CCDC18: variants seen among roughly 807,000 people sequenced by gnomAD.
CCDC18 encodes the protein coiled-coil domain containing 18, also known as coiled-coil domain-containing protein 18.
A neutral mutation model predicts 196.0 loss-of-function variants in CCDC18; 157 were observed. The observed-to-expected ratio is 0.80, with a 90% CI of 0.70 to 0.91. The LOEUF (loss-of-function observed/expected upper bound fraction) is 0.91. CCDC18 is among the 40% of genes least tolerant of loss of function. The pLI is 0.00. For missense variants in CCDC18, 1,465 were observed against 1,611.6 expected, an observed-to-expected ratio of 0.91 and a Z score of 1.56; for synonymous variants, 482 against 529.2, an observed-to-expected ratio of 0.91 and a Z score of 1.22.
chr1:93,251,722 T>C (rs1186518577), intron 23 of CCDC18, among the ~76,000 whole-genome samples: 1 of 152,174 alleles, frequency 6.6e-6, no homozygotes, highest in Non-Finnish European at 1.5e-5. Flanking sequence ...TCTTTGATCT[T>C]TGAGAGTTTC....
At chr1:93,190,649 G>T (rs529939809) in intron 4 of CCDC18, 5 of 328,540 alleles carry the variant, frequency 1.5e-5, no homozygotes, top group Non-Finnish European at 2.8e-5. Context: ...CCCCCAAACA[G>T]TATCAGTATG....
intron 23 of CCDC18, among the ~76,000 whole-genome samples, chr1:93,247,483 T>G (rs1661635581): frequency 6.6e-6 from 1 of 152,104 alleles, no homozygotes; most frequent in Non-Finnish European, 1.5e-5. Context: ...GTCATGATCA[T>G]AGCTCACTGC....
intron 21 of CCDC18, among the ~76,000 whole-genome samples, chr1:93,244,504 G>A (rs1661235809): frequency 6.6e-6 from 1 of 152,200 alleles, no homozygotes; most frequent in Non-Finnish European, 1.5e-5. Context: ...GAAATATTCA[G>A]AATTGGCAAA....
Position 93,248,306 on chromosome 1 carries a change from G to A in CCDC18, c.3198+1352G>A, listed in dbSNP as rs936759123. Among the ~76,000 whole-genome samples, 13 of 152,036 alleles carry A rather than the reference G, an allele frequency of 8.6e-5. 1 individual carries two copies. The East Asian group carries it at 1.7e-3, about 20-fold the overall frequency. ...TGGGATTACAGGCGTGAGCCACTGC[G>A]CCCAGCCTGTTATTTTCCTTCTATA... On this transcript the variant is annotated intron_variant, in intron 23 of 28. Transcript: ENST00000690025.
At chr1:93,278,303 A>G (rs1665743739) in intron 28 of CCDC18, among the ~76,000 whole-genome samples, 160 bp from the exon 29 acceptor site, 1 of 152,074 alleles carries the variant, frequency 6.6e-6, no homozygotes, top group Admixed American at 6.6e-5. Flanking sequence ...TTTTATATTC[A>G]TGTGGTTCAT....
chr1:93,222,952 C>T (rs1267994607), intron 16 of CCDC18, among the ~76,000 whole-genome samples: 4 of 152,116 alleles, frequency 2.6e-5, no homozygotes, highest in Non-Finnish European at 5.9e-5. Context: ...CATTTTGTGA[C>T]TGTGTATGCC....
intron 23 of CCDC18, among the ~76,000 whole-genome samples, chr1:93,253,085 C>G (rs1662482293): frequency 6.6e-6 from 1 of 152,156 alleles, no homozygotes; most frequent in Admixed American, 6.5e-5. Flanking sequence ...TGAGACTGGC[C>G]CTCTTGGGAT....
At chr1:93,273,996 C>CT (rs1665495569) in intron 28 of CCDC18, among the ~76,000 whole-genome samples, 1 of 152,140 alleles carries the variant, frequency 6.6e-6, no homozygotes, top group South Asian at 2.1e-4. Context: ...TATGAGGAAA[C>CT]TGAGTCCCTG....
chr1:93,201,265 A>G (rs1178781863), intron 6 of CCDC18, among the ~76,000 whole-genome samples: 1 of 152,148 alleles, frequency 6.6e-6, no homozygotes, highest in Non-Finnish European at 1.5e-5. Flanking sequence ...ATATTAAAAT[A>G]TTTTTAGGTG....
In CCDC18 at chr1:93,206,714, C is replaced by T. The variant is rs571213991; in HGVS notation, c.918-393C>T. Among the ~76,000 whole-genome samples the T allele has an allele frequency of 6.0e-4, 92 of 152,232 alleles. 2 individuals are homozygous for T. In the South Asian group the frequency reaches 0.018, roughly 30 times the overall value. The stretch of plus-strand genomic sequence containing the variant: ...ATTATGTAGAGCCAGTTTACTTTTT[C>T]TCCTGTTTTAGGAATCCAAAACTTT... On this transcript the variant is annotated intron_variant, in intron 8 of 28. Coordinates refer to ENST00000690025, the MANE Select transcript of CCDC18 (RefSeq NM_001378204.1).
intron 1 of CCDC18, among the ~76,000 whole-genome samples, chr1:93,181,991 T>C (rs1169857176): frequency 1.3e-5 from 2 of 152,202 alleles, no homozygotes; most frequent in Non-Finnish European, 2.9e-5. Context: ...TAGTACCAAA[T>C]GGTATTATAG....
chr1:93,261,184 A>G (rs898074605), intron 26 of CCDC18, among the ~76,000 whole-genome samples: 1 of 152,102 alleles, frequency 6.6e-6, no homozygotes. Context: ...GATCAACAGT[A>G]TTTTTTAATA....
At chr1:93,187,903 A>C (rs965182973) in intron 4 of CCDC18, among the ~76,000 whole-genome samples, 10 of 151,770 alleles carry the variant, frequency 6.6e-5, no homozygotes, top group Admixed American at 6.6e-4. Context: ...TGCCATTTAG[A>C]TTTCTTTGTG....
chr1:93,262,194 C>T (rs1020860338), intron 26 of CCDC18: 2 of 152,060 alleles, frequency 1.3e-5, no homozygotes, highest in African/African-American at 2.4e-5. Flanking sequence ...GACACAGAGC[C>T]AAGCCATATC....
intron 28 of CCDC18, among the ~76,000 whole-genome samples, chr1:93,272,646 C>T (rs561412777): frequency 2.0e-5 from 3 of 152,056 alleles, no homozygotes; most frequent in African/African-American, 7.2e-5. Flanking sequence ...CTGGCTTTAG[C>T]CTAACAATGG....
At chr1:93,273,046 GAA>G (rs1462971212) in intron 28 of CCDC18, among the ~76,000 whole-genome samples, 1 of 151,846 alleles carries the variant, frequency 6.6e-6, no homozygotes, top group African/African-American at 2.4e-5. Context: ...TAGTGGGAGA[GAA>G]ATTTCTTTAT....
At chr1:93,266,135 G>A (rs765339004) in intron 27 of CCDC18, among the ~76,000 whole-genome samples, 65 of 152,182 alleles carry the variant, frequency 4.3e-4, no homozygotes, top group South Asian at 2.1e-4. Context: ...TCAGGATTAA[G>A]AAACTCACTC....
intron 18 of CCDC18, among the ~76,000 whole-genome samples, chr1:93,235,183 G>A (rs1240603295): frequency 6.6e-6 from 1 of 151,974 alleles, no homozygotes; most frequent in Non-Finnish European, 1.5e-5. Flanking sequence ...TAGAAGAACG[G>A]GGGATATGCA....
Position 93,270,700 on chromosome 1 carries a change from T to G in CCDC18, c.4239T>G (p.Ala1413=). The G allele has an allele frequency of 6.5e-7, 1 of 1,550,306 alleles. No homozygotes were observed. Among genetic ancestry groups the G allele is most frequent in the Non-Finnish European group, 8.7e-7 (1 of 1,146,854 alleles). Reference sequence around the variant, plus strand: ...AACCTCTCACATATAACCTAGAAGCTGATAGTTCTGAGAATAATGACTTTA... The same window carrying G: ...AACCTCTCACATATAACCTAGAAGCGGATAGTTCTGAGAATAATGACTTTA... ...SFKPLTYNLE[A]DSSENNDFNT... Residue 1413 remains alanine (A), a synonymous_variant, in exon 28 of 29, where the codon GCT becomes GCG. Transcript: ENST00000690025.
Sources: allele counts gnomAD v4.1 joint callset (sites outside exome capture counted in the v4.1 genomes callset), GRCh38; gene constraint gnomAD v4.1.1; transcripts MANE v1.5; gene names NCBI Gene and HGNC (gene_info 2026-07-23, HGNC 2026-07-21).